Variants in NPTX1 observed in about 807,000 individuals in gnomAD.
NPTX1 encodes the protein neuronal pentraxin-1.
In NPTX1, 12 loss-of-function variants were observed where a neutral mutation model predicts 38.7. The observed-to-expected ratio is 0.31, with a 90% CI of 0.20 to 0.50. The LOEUF is 0.50. Among genes scored for constraint, NPTX1 ranks in the 20% least tolerant of loss-of-function variants. The pLI, the probability that NPTX1 is intolerant of heterozygous loss-of-function variation, is 0.98. For missense variants in NPTX1, 454 were observed against 592.2 expected, an observed-to-expected ratio of 0.77 and a Z score of 2.42; for synonymous variants, 272 against 264.9, an observed-to-expected ratio of 1.03 and a Z score of -0.26.
chr17:80,467,053 AAGTG>A lies in NPTX1; in HGVS notation c.*3756_*3759del, dbSNP rs1437821235. 6.6e-6 allele frequency: 1 copy of A among 152,286 alleles called. No individual in the cohort carries two copies. Among genetic ancestry groups the A allele is most frequent in the African/African-American group, 2.4e-5 (1 of 41,360 alleles). 9.4% of individuals were successfully genotyped at this position (152,286 alleles called of 1,614,324 possible). On this transcript the variant is annotated 3_prime_UTR_variant, in exon 5 of 5. Coordinates refer to ENST00000306773, the MANE Select transcript of NPTX1 (RefSeq NM_002522.4). ...CAGCTTTGGTTAGCAAATAATGAAA[AAGTG>A]AGATACATCGATTCTCTTTCATATT...
rs2083884774 is a variant in NPTX1, at chr17:80,476,551, G to A, written c.-105C>T. The A allele has an allele frequency of 5.4e-6, 3 of 552,790 alleles. No homozygotes were observed. The highest frequency in any genetic ancestry group is 6.9e-6 in the Non-Finnish European group (3 of 432,266). The allele number at this position is 552,790 out of a possible 1,614,324, so 34.2% of individuals were successfully genotyped here. On this transcript the variant is annotated 5_prime_UTR_variant, in exon 1 of 5. Transcript: ENST00000306773. This position sits in a 1 kb window ranked among gnomAD's most constrained non-coding sequence, Gnocchi z 6.3. ...GCTCCGCGAGCGGCCCGCGCTCTGG[G>A]CGCCGCGCTCTTCGGCCGCGCGGTC...
rs1333800765 is a variant in NPTX1 at position 80,476,199 on chromosome 17, G to A, written c.248C>T (p.Thr83Ile). 2 of 1,576,484 alleles carry A rather than the reference G, an allele frequency of 1.3e-6. No individual in the cohort carries two copies. Among genetic ancestry groups the A allele is most frequent in the East Asian group, 2.3e-5 (1 of 43,440 alleles). The change falls in exon 1 of 5, where the codon ACC becomes ATC. Residue 83 changes from threonine (T) to isoleucine (I), a missense_variant. Transcript: ENST00000306773. This position sits in a 1 kb window ranked among gnomAD's most constrained non-coding sequence, Gnocchi z 6.3. ...LSQKETIRELTAKLGRCESQS... is the reference protein window; with the variant it reads ...LSQKETIRELIAKLGRCESQS... ...GCTCTCGCAGCGGCCCAGCTTGGCG[G>A]TCAGCTCGCGGATGGTCTCCTTCTG... is the stretch of plus-strand genomic sequence containing the variant.
intron 3 of NPTX1, among the ~76,000 whole-genome samples, chr17:80,472,468 G>C (rs1456034115): frequency 6.6e-6 from 1 of 152,224 alleles, no homozygotes; most frequent in African/African-American, 2.4e-5. Flanking sequence ...TGCCATTCCA[G>C]GTCGGGAGGA....
intron 2 of NPTX1, chr17:80,473,864 G>A (rs2083857622): frequency 4.9e-6 from 1 of 206,106 alleles, no homozygotes; most frequent in African/African-American, 2.3e-5. Context: ...TAACCGACCT[G>A]ATTCCAGGAT....
At position 80,470,678 on chromosome 17, in the gene NPTX1, TGTGTGC is replaced by T. The variant is rs376358807; in HGVS notation, c.*129_*134del. The T allele has an allele frequency of 2.9e-4, 179 of 625,878 alleles. No homozygotes were observed. Among genetic ancestry groups the T allele is most frequent in the South Asian group, 1.5e-3 (77 of 50,474 alleles). The allele number at this position is 625,878 out of a possible 1,614,324, so 38.8% of individuals were successfully genotyped here. On this transcript the variant is annotated 3_prime_UTR_variant, in exon 5 of 5. Transcript: ENST00000306773. ...CGTGTGCATGAGGACAAAACCAGGC[TGTGTGC>T]GTGTGCGTGTGCAGGGGCGACGGCC...
In NPTX1 at chr17:80,476,460, G is replaced by C. The variant is rs1358327047; in HGVS notation, c.-14C>G. Reference sequence around the variant, plus strand: ...GCCGGCCGGCATGGCTGCGGGCACCGGGCGCTCCGGGCCCGGCTCGGCTCG... The same window carrying C: ...GCCGGCCGGCATGGCTGCGGGCACCCGGCGCTCCGGGCCCGGCTCGGCTCG... On this transcript the variant is annotated 5_prime_UTR_variant, in exon 1 of 5. Transcript: ENST00000306773. The surrounding 1 kb of genome is among the most constrained non-coding windows in gnomAD (Gnocchi z 6.3). The C allele has an allele frequency of 9.8e-6, 12 of 1,228,574 alleles. No individual in the cohort carries two copies. In the East Asian group the frequency reaches 3.5e-4, roughly 36 times the overall value. The allele number at this position is 1,228,574 out of a possible 1,614,324, so 76.1% of individuals were successfully genotyped here.
rs747700956 is a variant in NPTX1 at position 80,470,835 on chromosome 17, T to C, written c.1277A>G (p.Glu426Gly). Residue 426 changes from glutamate (E) to glycine (G), a missense_variant, in exon 5 of 5, where the codon GAG (glutamate) becomes GGG (glycine). Glu to Gly is a moderately conservative substitution (Grantham distance 98). Around this residue, in one of 4 missense-constraint regions of NPTX1, gnomAD observed 50 missense variants for 54.0 expected, o/e 0.93. Coordinates refer to ENST00000306773, the MANE Select transcript of NPTX1 (RefSeq NM_002522.4). ...IYGGATKWTF[E>G]ACRQIN is the part of the protein sequence containing the mutation. ...TGCTCAGTTGATCTGGCGACAGGCCTCGAAGGTCCACTTGGTGGCCCCTCC... is the reference window on the plus strand; with the variant it reads ...TGCTCAGTTGATCTGGCGACAGGCCCCGAAGGTCCACTTGGTGGCCCCTCC... 2.5e-6 allele frequency: 4 copies of C among 1,600,144 alleles called. No homozygotes were observed. Among genetic ancestry groups the C allele is most frequent in the Middle Eastern group, 3.4e-4 (2 of 5,856 alleles).
chr17:80,475,474 T>TGCAG lies in NPTX1; in HGVS notation c.652+33_652+36dup. 6.9e-7 allele frequency: 1 copy of TGCAG among 1,452,418 alleles called. No individual in the cohort carries two copies. The highest frequency in any genetic ancestry group is 9.4e-7 in the Non-Finnish European group (1 of 1,060,976). The allele number at this position is 1,452,418 out of a possible 1,614,324, so 90.0% of individuals were successfully genotyped here. On this transcript the variant is annotated intron_variant, in intron 2 of 4. Coordinates refer to ENST00000306773, the MANE Select transcript of NPTX1 (RefSeq NM_002522.4). The surrounding 1 kb of genome is among the most constrained non-coding windows in gnomAD (Gnocchi z 6.5). ...ACCGAGGCAGGGTCGGGCAAGCAGG[T>TGCAG]GCAGGCAGGCAGCACGGCTCCCCCT...
chr17:80,471,104 G>T, intron 4 of NPTX1, 70 bp from the exon 5 acceptor site: 1 of 1,210,908 alleles, frequency 8.3e-7, no homozygotes, highest in Non-Finnish European at 1.2e-6. Flanking sequence ...CCTAGGCCGG[G>T]GATCTGAGTG....
At position 80,476,356 on chromosome 17, in the gene NPTX1, T is replaced by G. The variant is rs751549193; in HGVS notation, c.91A>C (p.Ile31Leu). Reference sequence around the variant, plus strand: ...GCGTCCACGGGCACCGAGGTGCAGATGAAGCGCGTCGGCCCGAAATCCTGG... The same window carrying G: ...GCGTCCACGGGCACCGAGGTGCAGAGGAAGCGCGTCGGCCCGAAATCCTGG... ...GAQDFGPTRF[I>L]CTSVPVDADM... Residue 31 changes from isoleucine to leucine, a missense_variant, in exon 1 of 5, where the codon ATC becomes CTC. Ile to Leu is a conservative substitution (Grantham distance 5). Transcript: ENST00000306773. The surrounding 1 kb of genome is among the most constrained non-coding windows in gnomAD (Gnocchi z 6.3). 7 of 1,529,790 alleles carry G rather than the reference T, an allele frequency of 4.6e-6. No homozygotes were observed. The highest frequency in any genetic ancestry group is 6.1e-6 in the Non-Finnish European group (7 of 1,144,632). The allele number at this position is 1,529,790 out of a possible 1,614,324, so 94.8% of individuals were successfully genotyped here.
chr17:80,476,508 G>T lies in NPTX1; in HGVS notation c.-62C>A, dbSNP rs1252974589. ...TCGGCTGGGGCTCGGCTCCGGCTGG[G>T]ACCCGGCTCGGGCTGTGGCTCCGCG... On this transcript the variant is annotated 5_prime_UTR_variant, in exon 1 of 5. Coordinates refer to ENST00000306773, the MANE Select transcript of NPTX1 (RefSeq NM_002522.4). This position sits in a 1 kb window ranked among gnomAD's most constrained non-coding sequence, Gnocchi z 6.3. 3 of 999,748 alleles carry T rather than the reference G, an allele frequency of 3.0e-6. No individual in the cohort carries two copies. The highest frequency in any genetic ancestry group is 9.5e-5 in the South Asian group (2 of 21,038). 61.9% of individuals were successfully genotyped at this position (999,748 alleles called of 1,614,324 possible).
At position 80,476,374 on chromosome 17, in the gene NPTX1, A is replaced by T. The variant is rs201884300; in HGVS notation, c.73T>A (p.Phe25Ile). 146 of 1,520,610 alleles carry T rather than the reference A, an allele frequency of 9.6e-5. 1 individual carries two copies. In the East Asian group the frequency reaches 3.1e-3, roughly 33 times the overall value. The allele number at this position is 1,520,610 out of a possible 1,614,324, so 94.2% of individuals were successfully genotyped here. The change falls in exon 1 of 5, where the codon TTC becomes ATC. Residue 25 changes from phenylalanine to isoleucine, a missense_variant. By Grantham distance (21) the Phe-to-Ile change is conservative (BLOSUM62 0). Coordinates refer to ENST00000306773, the MANE Select transcript of NPTX1 (RefSeq NM_002522.4). The surrounding 1 kb of genome is among the most constrained non-coding windows in gnomAD (Gnocchi z 6.3). ...LCLLGAGAQD[F>I]GPTRFICTSV... ...GTGCAGATGAAGCGCGTCGGCCCGA[A>T]ATCCTGGGCCCCGGCGCCCAGGAGG...
At chr17:80,473,097 C>T (rs1306286036) in intron 3 of NPTX1, 103 bp downstream of exon 3, 5 of 1,434,718 alleles carry the variant, frequency 3.5e-6, no homozygotes, top group Non-Finnish European at 4.7e-6. Context: ...TCCTTGGGGC[C>T]CCATCAACAT....
rs1053870020 is a variant in NPTX1, at chr17:80,467,885, A to T, written c.*2928T>A. 1 of 152,652 alleles carries T rather than the reference A, an allele frequency of 6.6e-6. No individual in the cohort carries two copies. Among genetic ancestry groups the T allele is most frequent in the African/African-American group, 2.4e-5 (1 of 41,462 alleles). 9.5% of individuals were successfully genotyped at this position (152,652 alleles called of 1,614,324 possible). A position where few individuals can be genotyped will look rare whatever the true frequency, so the allele number is the denominator to read the frequency against. On this transcript the variant is annotated 3_prime_UTR_variant, in exon 5 of 5. Coordinates refer to ENST00000306773, the MANE Select transcript of NPTX1 (RefSeq NM_002522.4). ...AAATAATACTGTGTTATCAAAAGCAAGAAGGCTTACGACTCAAGTGGGATC... is the reference window on the plus strand; with the variant it reads ...AAATAATACTGTGTTATCAAAAGCATGAAGGCTTACGACTCAAGTGGGATC...
In NPTX1 at chr17:80,470,864, G is replaced by A. The variant is rs776666684; in HGVS notation, c.1248C>T (p.Ile416=). 5.0e-6 allele frequency: 8 copies of A among 1,608,790 alleles called. No individual in the cohort carries two copies. Among genetic ancestry groups the A allele is most frequent in the Admixed American group, 1.7e-5 (1 of 59,922 alleles). ...VIAWAESHIE[I]YGGATKWTFE... ...AGGTCCACTTGGTGGCCCCTCCGTA[G>A]ATCTCGATGTGGGATTCAGCCCAGG... Residue 416 remains isoleucine, a synonymous_variant, in exon 5 of 5, where the codon ATC becomes ATT. Transcript: ENST00000306773.
chr17:80,476,033 T>C lies in NPTX1; in HGVS notation c.414A>G (p.Gln138=), dbSNP rs1339310396. The C allele has an allele frequency of 1.3e-5, 21 of 1,608,664 alleles. No homozygotes were observed. The highest frequency in any genetic ancestry group is 1.7e-5 in the Non-Finnish European group (20 of 1,178,328). ...ETLSQLGQTL[Q]SLKTRLENLE... ...GGTTCTCCAGGCGGGTTTTGAGCGA[T>C]TGCAAAGTTTGCCCGAGTTGGCTGA... The change falls in exon 1 of 5, where the codon CAA becomes CAG. Residue 138 remains glutamine (Q), a synonymous_variant. Transcript: ENST00000306773. The surrounding 1 kb of genome is among the most constrained non-coding windows in gnomAD (Gnocchi z 6.3).
At position 80,470,707 on chromosome 17, in the gene NPTX1, G is replaced by T; in HGVS notation, c.*106C>A. The T allele has an allele frequency of 2.5e-6, 2 of 807,508 alleles. No individual in the cohort carries two copies. The highest frequency in any genetic ancestry group is 3.9e-6 in the Non-Finnish European group (2 of 509,894). 50.0% of individuals were successfully genotyped at this position (807,508 alleles called of 1,614,324 possible). On this transcript the variant is annotated 3_prime_UTR_variant, in exon 5 of 5. Transcript: ENST00000306773. ...TGCGTGTGCGTGTGCAGGGGCGACG[G>T]CCTCGGTTCATTCCTGGGGAAAAGG... is the stretch of plus-strand genomic sequence containing the variant.
intron 3 of NPTX1, among the ~76,000 whole-genome samples, chr17:80,472,164 C>G (rs1157837448): frequency 6.6e-6 from 1 of 152,200 alleles, no homozygotes; most frequent in African/African-American, 2.4e-5. Flanking sequence ...TGTGCAGTCT[C>G]TTCACTCCTA....
At position 80,471,058 on chromosome 17, in the gene NPTX1, G is replaced by T. The variant is rs752227687; in HGVS notation, c.1078-24C>A. 1.9e-6 allele frequency: 3 copies of T among 1,553,800 alleles called. No homozygotes were observed. The South Asian group carries it at 3.6e-5, about 18-fold the overall frequency. On this transcript the variant is annotated intron_variant, in intron 4 of 4. Transcript: ENST00000306773. ...TCCTTCAGAGAAAAACAGAGGATGA[G>T]AGTGGAGGGGTCGCCAGGTGGTCTG...
Sources: gnomAD v4.1 joint callset for allele counts (sites outside exome capture counted in the v4.1 genomes callset) on GRCh38, gnomAD v4.1.1 for gene constraint, gnomAD v4.1.1 regional missense constraint, Gnocchi (gnomAD v3.1) non-coding constraint, MANE v1.5 for transcripts, NCBI Gene and HGNC (gene_info 2026-07-23, HGNC 2026-07-21) for gene names.